VPS13A: variants seen among roughly 807,000 people sequenced by gnomAD.
The protein encoded by VPS13A is vacuolar protein sorting 13 homolog A.
Under a neutral mutation model 390.9 loss-of-function variants are expected in VPS13A, and 264 were observed. The ratio of observed to expected loss-of-function variants is 0.68; its 90% confidence interval spans 0.61 to 0.75. VPS13A has a LOEUF of 0.75. Among genes scored for constraint, VPS13A ranks in the 30% least tolerant of loss-of-function variants. VPS13A has a pLI of 0.00. For missense variants in VPS13A, 3,409 were observed against 3,733.9 expected, an observed-to-expected ratio of 0.91 and a Z score of 2.27; for synonymous variants, 1,231 against 1,227.1, an observed-to-expected ratio of 1.00 and a Z score of -0.07.
chr9:77,345,040 C>T lies in VPS13A; in HGVS notation c.7187C>T (p.Ala2396Val), dbSNP rs780864957. ...GGTATTATAGCAGAAGTGAATTTGGCCGAGCATTCTACAGTTATTACATTT... is the reference window on the plus strand; with the variant it reads ...GGTATTATAGCAGAAGTGAATTTGGTCGAGCATTCTACAGTTATTACATTT... Reference protein sequence around the residue: ...LGGIIAEVNLAEHSTVITFLD... With the variant: ...LGGIIAEVNLVEHSTVITFLD... Residue 2396 changes from alanine (A) to valine (V), a missense_variant, in exon 52 of 72, where the codon GCC becomes GTC. Around this residue, in one of 5 missense-constraint regions of VPS13A, gnomAD observed 2,717 missense variants for 2,917.4 expected, o/e 0.93. Transcript: ENST00000360280. The T allele has an allele frequency of 1.9e-6, 3 of 1,612,734 alleles. No individual in the cohort carries two copies. The highest frequency in any genetic ancestry group is 2.5e-6 in the Non-Finnish European group (3 of 1,179,818).
chr9:77,379,152 A>G (rs905390534), intron 67 of VPS13A, among the ~76,000 whole-genome samples: 2 of 140,232 alleles, frequency 1.4e-5, no homozygotes, highest in African/African-American at 5.4e-5. Context: ...GGCTCACTGC[A>G]ACCTCTGCCT....
At chr9:77,258,511 G>C (rs113221133) in intron 22 of VPS13A, among the ~76,000 whole-genome samples, 3,758 of 152,148 alleles carry the variant, frequency 0.025, 62 homozygotes, top group Middle Eastern at 0.054. Flanking sequence ...TACTCTCCTA[G>C]ATTTTCTTTT....
intron 71 of VPS13A, 154 bp downstream of exon 71, chr9:77,407,761 G>C (rs1237558431): frequency 1.3e-5 from 8 of 619,156 alleles, no homozygotes; most frequent in Non-Finnish European, 1.7e-5. Flanking sequence ...TATGTAACCA[G>C]ATAATATTTA....
intron 50 of VPS13A, among the ~76,000 whole-genome samples, chr9:77,341,896 C>G (rs1307651886): frequency 2.6e-5 from 4 of 151,622 alleles, no homozygotes; most frequent in Non-Finnish European, 5.9e-5. Context: ...TAAAGCCCAT[C>G]TTTATGTAGT....
At chr9:77,363,801 A>G (rs950002919) in intron 59 of VPS13A, among the ~76,000 whole-genome samples, 11 of 152,224 alleles carry the variant, frequency 7.2e-5, no homozygotes, top group Admixed American at 3.3e-4. Context: ...ACTATATGTT[A>G]TAAGTGAAAT....
At chr9:77,324,862 C>T (rs1028580782) in intron 45 of VPS13A, among the ~76,000 whole-genome samples, 1 of 151,832 alleles carries the variant, frequency 6.6e-6, no homozygotes. Context: ...CTCCGCCTCT[C>T]ATTGTTTAAC....
At chr9:77,217,074 C>T (rs1822905693) in intron 10 of VPS13A, among the ~76,000 whole-genome samples, 1 of 152,170 alleles carries the variant, frequency 6.6e-6, no homozygotes, top group African/African-American at 2.4e-5. Flanking sequence ...TTGCATCTTT[C>T]AATACAATTG....
At chr9:77,302,085 G>A (rs1828399730) in intron 33 of VPS13A, among the ~76,000 whole-genome samples, 1 of 151,786 alleles carries the variant, frequency 6.6e-6, no homozygotes, top group Admixed American at 6.6e-5. Flanking sequence ...AGCCTCTCAA[G>A]TAGCTGGGAT....
chr9:77,289,431 GATTA>G (rs912875799), intron 31 of VPS13A, among the ~76,000 whole-genome samples: 28 of 151,834 alleles, frequency 1.8e-4, no homozygotes, highest in East Asian at 9.7e-4. Flanking sequence ...CCTGATTTTT[GATTA>G]ATTATCATTT....
At chr9:77,203,214 C>T (rs1825433159) in intron 3 of VPS13A, among the ~76,000 whole-genome samples, 1 of 152,054 alleles carries the variant, frequency 6.6e-6, no homozygotes, top group Admixed American at 6.6e-5. Context: ...GGAATTACAT[C>T]TGTGTATTTT....
intron 50 of VPS13A, among the ~76,000 whole-genome samples, chr9:77,340,897 A>G (rs1830771935): frequency 1.3e-5 from 2 of 152,364 alleles, no homozygotes; most frequent in South Asian, 4.1e-4. Flanking sequence ...GCTTTCAGAG[A>G]GTAGGGTAAG....
At chr9:77,195,973 T>C (rs10869907) in intron 1 of VPS13A, among the ~76,000 whole-genome samples, 26,770 of 152,040 alleles carry the variant, frequency 0.18, 3,014 homozygotes, top group East Asian at 0.4. Context: ...GCTTTTGCTG[T>C]ATCATACTAA....
intron 4 of VPS13A, among the ~76,000 whole-genome samples, 188 bp downstream of exon 4, chr9:77,205,596 TA>T (rs1449639719): frequency 6.6e-6 from 1 of 151,872 alleles, no homozygotes; most frequent in African/African-American, 2.4e-5. Flanking sequence ...ATTTATTTAT[TA>T]TTATTTTTTT....
chr9:77,264,276 G>A (rs1302593951), intron 23 of VPS13A, among the ~76,000 whole-genome samples: 1 of 152,046 alleles, frequency 6.6e-6, no homozygotes, highest in Non-Finnish European at 1.5e-5. Flanking sequence ...TTGGCTATAC[G>A]GGCTCTTTTT....
intron 71 of VPS13A, among the ~76,000 whole-genome samples, chr9:77,414,220 T>C (rs940296394): frequency 5.9e-5 from 9 of 152,302 alleles, no homozygotes; most frequent in Admixed American, 2.0e-4. Context: ...ACCATTTGAC[T>C]TAGCCATCCC....
At chr9:77,219,675 T>C (rs1823076104) in intron 10 of VPS13A, among the ~76,000 whole-genome samples, 1 of 152,164 alleles carries the variant, frequency 6.6e-6, no homozygotes, top group Admixed American at 6.5e-5. Flanking sequence ...TTTTTTTTTC[T>C]TAAAATGTTT....
intron 67 of VPS13A, among the ~76,000 whole-genome samples, chr9:77,378,141 G>T (rs1337839438): frequency 6.6e-6 from 1 of 152,192 alleles, no homozygotes; most frequent in Admixed American, 6.5e-5. Flanking sequence ...TCTTTGCCTG[G>T]TATGGGTATC....
intron 54 of VPS13A, among the ~76,000 whole-genome samples, chr9:77,355,571 C>CAT (rs1831727931): frequency 6.6e-6 from 1 of 152,166 alleles, no homozygotes; most frequent in South Asian, 2.1e-4. Context: ...CTTAAGACTT[C>CAT]ATATATCCAA....
chr9:77,310,791 T>G (rs1215885614), intron 35 of VPS13A, among the ~76,000 whole-genome samples: 1 of 152,098 alleles, frequency 6.6e-6, no homozygotes, highest in Non-Finnish European at 1.5e-5. Flanking sequence ...TGAGAGAAAA[T>G]GTCTGCAATT....
Sources: gnomAD v4.1 joint callset for allele counts (sites outside exome capture counted in the v4.1 genomes callset) on GRCh38, gnomAD v4.1.1 for gene constraint, gnomAD v4.1.1 regional missense constraint, MANE v1.5 for transcripts, NCBI Gene and HGNC (gene_info 2026-07-23, HGNC 2026-07-21) for gene names.